Variants in LRP1 observed in about 807,000 individuals in gnomAD.
LRP1 encodes prolow-density lipoprotein receptor-related protein 1.
Under a neutral mutation model 541.5 loss-of-function variants are expected in LRP1, and 51 were observed. The ratio of observed to expected loss-of-function variants is 0.09; its 90% CI spans 0.08 to 0.12. LRP1 has a LOEUF of 0.12. Ranked by LOEUF, LRP1 falls within the 10% of genes least tolerant of loss-of-function variation. The probability of loss-of-function intolerance (pLI) is 1.00; values close to 1 mark genes in which losing one functional copy is unlikely to be tolerated. For synonymous variants in LRP1, 2,219 were observed against 2,470.8 expected (o/e 0.90, Z 3.02); for missense variants, 3,878 against 6,376.2 (o/e 0.61, Z 13.34).
In LRP1 at chr12:57,205,934, C is replaced by T. The variant is rs146026959; in HGVS notation, c.11590+257C>T. ...ACCTCCTCACCCACCACTGCCAGGA[C>T]GAGAGTACACTCAGACACGCATTGC... On this transcript the variant is annotated intron_variant, in intron 75 of 88. Coordinates refer to ENST00000243077, the MANE Select transcript of LRP1 (RefSeq NM_002332.3). This position sits in a 1 kb window ranked among gnomAD's most constrained non-coding sequence, Gnocchi z 4.6. 5.2e-3 allele frequency: 2,996 copies of T among 572,028 alleles called. 12 individuals are homozygous for T. The highest frequency in any genetic ancestry group is 7.4e-3 in the Non-Finnish European group (2,376 of 320,538). 35.4% of individuals were successfully genotyped at this position (572,028 alleles called of 1,614,324 possible). A position where few individuals can be genotyped will look rare whatever the true frequency, so the allele number is the denominator to read the frequency against.
At chr12:57,196,959 C>A in intron 55 of LRP1, 23 bp from the exon 56 acceptor site, 1 of 1,595,276 alleles carries the variant, frequency 6.3e-7, no homozygotes, top group Non-Finnish European at 8.5e-7. Context: ...ACATGCCCAG[C>A]CCAAGGCTCC....
chr12:57,194,244 G>A, intron 48 of LRP1, 110 bp from the exon 49 acceptor site: 1 of 1,275,756 alleles, frequency 7.8e-7, no homozygotes. Flanking sequence ...CACCAGAAGG[G>A]CACCGTTCAA....
intron 45 of LRP1, 60 bp from the exon 46 acceptor site, chr12:57,193,116 G>A: frequency 6.2e-7 from 1 of 1,601,062 alleles, no homozygotes; most frequent in Non-Finnish European, 8.5e-7. Context: ...CGGGGGAGGA[G>A]GCGTGGGCAC....
Position 57,204,292 on chromosome 12 carries a change from A to AT in LRP1, c.10952-115dup. The AT allele has an allele frequency of 8.1e-7, 1 of 1,235,650 alleles. No homozygotes were observed. The highest frequency in any genetic ancestry group is 1.1e-6 in the Non-Finnish European group (1 of 914,820). 76.5% of individuals were successfully genotyped at this position (1,235,650 alleles called of 1,614,324 possible). A position where few individuals can be genotyped will look rare whatever the true frequency, so the allele number is the denominator to read the frequency against. On this transcript the variant is annotated intron_variant, in intron 70 of 88. Transcript: ENST00000243077. This position sits in a 1 kb window ranked among gnomAD's most constrained non-coding sequence, Gnocchi z 5.3. ...TAGAAATTTAAGAGACCTGGTTCCA[A>AT]TTTGGCTGTGCCACTGCTTGCCTGG... is the stretch of plus-strand genomic sequence containing the variant.
At position 57,173,236 on chromosome 12, in the gene LRP1, C is replaced by A; in HGVS notation, c.3232C>A (p.Leu1078Met). 1.2e-6 allele frequency: 2 copies of A among 1,614,016 alleles called. No individual in the cohort carries two copies. The highest frequency in any genetic ancestry group is 2.7e-5 in the African/African-American group (2 of 75,048). Residue 1078 changes from leucine (L) to methionine (M), a missense_variant, in exon 21 of 89, where the codon CTG becomes ATG. Leu to Met is a conservative substitution (Grantham distance 15, BLOSUM62 2). Transcript: ENST00000243077. The surrounding 1 kb of genome is among the most constrained non-coding windows in gnomAD (Gnocchi z 4.7). Reference protein sequence around the residue: ...QCRLDGLCIPLRWRCDGDTDC... With the variant: ...QCRLDGLCIPMRWRCDGDTDC... ...CCGGCTGGATGGACTATGCATCCCC[C>A]TGCGGTGGCGCTGCGATGGGGACAC...
chr12:57,137,257 A>AC (rs2035191860), intron 1 of LRP1, among the ~76,000 whole-genome samples: 2 of 151,060 alleles, frequency 1.3e-5, no homozygotes, highest in South Asian at 2.1e-4. Context: ...AAAAAAAAAA[A>AC]CAACAGAGTT....
In LRP1 at chr12:57,206,489, C is replaced by T. The variant is rs761881220; in HGVS notation, c.11607C>T (p.Val3869=). The T allele has an allele frequency of 1.2e-5, 19 of 1,614,122 alleles. No individual in the cohort carries two copies. Among genetic ancestry groups the T allele is most frequent in the Non-Finnish European group, 1.6e-5 (19 of 1,180,046 alleles). ...TCKAEGSEYQ[V]LYIADDNEIR... Reference sequence around the variant, plus strand: ...CTTCTCCAGGCTCTGAGTACCAGGTCCTGTACATCGCTGATGACAATGAGA... The same window carrying T: ...CTTCTCCAGGCTCTGAGTACCAGGTTCTGTACATCGCTGATGACAATGAGA... The change falls in exon 76 of 89, where the codon GTC becomes GTT. Residue 3869 remains valine (V), a synonymous_variant. Coordinates refer to ENST00000243077, the MANE Select transcript of LRP1 (RefSeq NM_002332.3). This position sits in a 1 kb window ranked among gnomAD's most constrained non-coding sequence, Gnocchi z 4.7.
At chr12:57,194,840 C>T in intron 50 of LRP1, 141 bp downstream of exon 50, 3 of 1,218,086 alleles carry the variant, frequency 2.5e-6, no homozygotes, top group South Asian at 2.7e-5. Flanking sequence ...TGAGGTCAGA[C>T]TCAGAGACTC....
chr12:57,155,084 A>G, intron 8 of LRP1: 1 of 478,992 alleles, frequency 2.1e-6, no homozygotes, highest in African/African-American at 1.9e-5. Flanking sequence ...TTGTTCTAGA[A>G]GCCTTGCTGG....
rs2036374464 is a variant in LRP1 at position 57,191,339 on chromosome 12, C to T, written c.7256C>T (p.Pro2419Leu). ...SHRYVILKSE[P>L]VHPFGLAVYG... ...CCACAGGTGATCCTAAAGTCAGAGC[C>T]TGTCCACCCCTTCGGGCTGGCCGTG... Residue 2419 changes from proline (P) to leucine (L), a missense_variant, in exon 44 of 89, where the codon CCT becomes CTT. Coordinates refer to ENST00000243077, the MANE Select transcript of LRP1 (RefSeq NM_002332.3). 1 of 1,607,342 alleles carries T rather than the reference C, an allele frequency of 6.2e-7. No homozygotes were observed. The highest frequency in any genetic ancestry group is 1.1e-5 in the South Asian group (1 of 90,740).
chr12:57,183,631 A>G lies in LRP1; in HGVS notation c.5794+121A>G. ...TGGCCTGAGGTGGGGCACTTGCTAC[A>G]GCTGCCACCCTGACTCCACCTCCCC... is the stretch of plus-strand genomic sequence containing the variant. On this transcript the variant is annotated intron_variant, in intron 35 of 88. Transcript: ENST00000243077. This position sits in a 1 kb window ranked among gnomAD's most constrained non-coding sequence, Gnocchi z 6.1. 1 of 1,485,370 alleles carries G rather than the reference A, an allele frequency of 6.7e-7. No homozygotes were observed. Among genetic ancestry groups the G allele is most frequent in the Non-Finnish European group, 9.1e-7 (1 of 1,100,968 alleles). 92.0% of individuals were successfully genotyped at this position (1,485,370 alleles called of 1,614,324 possible).
chr12:57,149,008 A>G (rs1592610274), intron 6 of LRP1: 1 of 676,372 alleles, frequency 1.5e-6, no homozygotes, highest in Non-Finnish European at 2.7e-6. Context: ...TCACAACAGG[A>G]AATGGGGTAG....
chr12:57,191,808 ACACCCCACATATACC>A (rs2036391052), intron 44 of LRP1, among the ~76,000 whole-genome samples: 5 of 66,822 alleles, frequency 7.5e-5, no homozygotes, highest in Non-Finnish European at 1.2e-4. Flanking sequence ...TATCACATGC[ACACCCCACATATACC>A]ACACCACACA....
chr12:57,203,354 GA>G, intron 69 of LRP1, 34 bp from the exon 70 acceptor site: 1 of 1,592,528 alleles, frequency 6.3e-7, no homozygotes, highest in Non-Finnish European at 8.6e-7. Flanking sequence ...GGGGAGTGCC[GA>G]GAGGTGACCG....
At position 57,204,659 on chromosome 12, in the gene LRP1, C is replaced by G. The variant is rs1565753825; in HGVS notation, c.11104C>G (p.Arg3702Gly). Residue 3702 changes from arginine (R) to glycine (G), a missense_variant, in exon 72 of 89, where the codon CGT (arginine) becomes GGT (glycine). Arg to Gly is a moderately radical substitution (Grantham distance 125). Coordinates refer to ENST00000243077, the MANE Select transcript of LRP1 (RefSeq NM_002332.3). This position sits in a 1 kb window ranked among gnomAD's most constrained non-coding sequence, Gnocchi z 5.3. ...RFVCPPNRPF[R>G]CKNDRVCLWI... Reference sequence around the variant, plus strand: ...CGTGTGCCCTCCCAACCGGCCCTTCCGTTGCAAGAATGACCGCGTCTGTCT... The same window carrying G: ...CGTGTGCCCTCCCAACCGGCCCTTCGGTTGCAAGAATGACCGCGTCTGTCT... The G allele has an allele frequency of 1.2e-6, 2 of 1,614,016 alleles. No individual in the cohort carries two copies. Among genetic ancestry groups the G allele is most frequent in the Non-Finnish European group, 1.7e-6 (2 of 1,180,024 alleles).
chr12:57,175,810 C>G, intron 23 of LRP1, 99 bp from the exon 24 acceptor site: 1 of 1,560,950 alleles, frequency 6.4e-7, no homozygotes, highest in Non-Finnish European at 8.7e-7. Context: ...TCCACCCTAG[C>G]CCCCAGTGCC....
rs781626726 is a variant in LRP1, at chr12:57,185,584, C to T, written c.6517C>T (p.Arg2173Trp). The T allele has an allele frequency of 4.9e-5, 78 of 1,604,276 alleles. No individual in the cohort carries two copies. The highest frequency in any genetic ancestry group is 6.1e-5 in the Non-Finnish European group (72 of 1,176,858). Reference sequence around the variant, plus strand: ...CGGGTGCCAGCAGCTGTGCCTGTACCGGGGCCGTGGGCAGCGGGCCTGCGC... The same window carrying T: ...CGGGTGCCAGCAGCTGTGCCTGTACTGGGGCCGTGGGCAGCGGGCCTGCGC... ...NGGCQQLCLY[R>W]GRGQRACACA... is the part of the protein sequence containing the mutation. The change falls in exon 41 of 89, where the codon CGG becomes TGG. Residue 2173 changes from arginine to tryptophan, a missense_variant. Arg to Trp is a moderately radical substitution (Grantham distance 101, BLOSUM62 -3). This residue lies in a region of LRP1 where 1,100 missense variants were observed against 1,827.4 expected (regional missense o/e 0.60). Transcript: ENST00000243077. The surrounding 1 kb of genome is among the most constrained non-coding windows in gnomAD (Gnocchi z 4.9).
rs764164157 is a variant in LRP1 at position 57,185,546 on chromosome 12, C to T, written c.6479C>T (p.Ala2160Val). The T allele has an allele frequency of 8.8e-6, 14 of 1,594,722 alleles. No individual in the cohort carries two copies. The highest frequency in any genetic ancestry group is 6.7e-5 in the Admixed American group (4 of 59,462). The change falls in exon 41 of 89, where the codon GCG becomes GTG. Residue 2160 changes from alanine (A) to valine (V), a missense_variant. Ala to Val is a moderately conservative substitution (Grantham distance 64, BLOSUM62 0). Transcript: ENST00000243077. This position sits in a 1 kb window ranked among gnomAD's most constrained non-coding sequence, Gnocchi z 4.9. ...CCTCCCCCAGGCACCAACGTGTGCG[C>T]GGTGGCCAATGGCGGGTGCCAGCAG... ...RDRQKGTNVC[A>V]VANGGCQQLC... is the part of the protein sequence containing the mutation.
In LRP1 at chr12:57,154,796, T is replaced by C. The variant is rs780682920; in HGVS notation, c.1227+95T>C. On this transcript the variant is annotated intron_variant, in intron 8 of 88. Coordinates refer to ENST00000243077, the MANE Select transcript of LRP1 (RefSeq NM_002332.3). The surrounding 1 kb of genome is among the most constrained non-coding windows in gnomAD (Gnocchi z 4.6). ...CTCTGTAGGGGAACCGTTCTCTGAG[T>C]CTCCTGGTAAAGAGCGTGGATGCCC... The C allele has an allele frequency of 1.4e-5, 16 of 1,174,370 alleles. No individual in the cohort carries two copies. The highest frequency in any genetic ancestry group is 1.9e-4 in the Middle Eastern group (1 of 5,264). 72.7% of individuals were successfully genotyped at this position (1,174,370 alleles called of 1,614,324 possible). A position where few individuals can be genotyped will look rare whatever the true frequency, so the allele number is the denominator to read the frequency against.
Sources: gnomAD v4.1 joint callset for allele counts (sites outside exome capture counted in the v4.1 genomes callset) on GRCh38, gnomAD v4.1.1 for gene constraint, gnomAD v4.1.1 regional missense constraint, Gnocchi (gnomAD v3.1) non-coding constraint, MANE v1.5 for transcripts, NCBI Gene and HGNC (gene_info 2026-07-23, HGNC 2026-07-21) for gene names.